The following DNAH3 variants were observed in gnomAD, a reference collection of about 807,000 sequenced individuals.
DNAH3 encodes axonemal beta dynein heavy chain 3.
A neutral mutation model predicts 432.5 loss-of-function variants in DNAH3; 332 were observed. That is an observed-to-expected ratio of 0.77 (90% confidence interval 0.70 to 0.84). The LOEUF is 0.84. DNAH3 is among the 40% of genes least tolerant of loss of function. The pLI, the probability that DNAH3 is intolerant of heterozygous loss-of-function variation, is 0.00. For synonymous variants in DNAH3, 1,956 were observed against 1,900.2 expected, an observed-to-expected ratio of 1.03 and a Z score of -0.76; for missense variants, 4,861 against 5,114.0, an observed-to-expected ratio of 0.95 and a Z score of 1.51.
intron 47 of DNAH3, among the ~76,000 whole-genome samples, chr16:20,986,358 A>G (rs1398803863): frequency 1.3e-5 from 2 of 151,760 alleles, no homozygotes; most frequent in African/African-American, 4.8e-5. Flanking sequence ...ATAAGAAAAA[A>G]TTAACTGGGC....
chr16:21,014,557 C>A (rs935783095), intron 41 of DNAH3, among the ~76,000 whole-genome samples: 1 of 152,094 alleles, frequency 6.6e-6, no homozygotes, highest in Non-Finnish European at 1.5e-5. Context: ...GATAAGGAAG[C>A]CCTTTTTCAT....
intron 43 of DNAH3, among the ~76,000 whole-genome samples, 156 bp downstream of exon 43, chr16:21,000,063 AAGAAG>A (rs1176019847): frequency 2.0e-5 from 3 of 151,934 alleles, no homozygotes; most frequent in South Asian, 2.1e-4. Context: ...GAAGGAGAAA[AAGAAG>A]AGGAGAGAAT....
intron 16 of DNAH3, among the ~76,000 whole-genome samples, chr16:21,099,140 C>T (rs1038755140): frequency 2.0e-5 from 3 of 151,982 alleles, no homozygotes; most frequent in African/African-American, 7.3e-5. Context: ...CTATAACTGC[C>T]CTAGGCATCA....
chr16:21,138,636 C>A (rs941658252), intron 5 of DNAH3, among the ~76,000 whole-genome samples: 3 of 152,132 alleles, frequency 2.0e-5, no homozygotes, highest in South Asian at 2.1e-4. Context: ...CATAGTGAAA[C>A]CCCATCTCTA....
At chr16:20,990,319 A>G (rs578206507) in intron 44 of DNAH3, among the ~76,000 whole-genome samples, 2 of 152,312 alleles carry the variant, frequency 1.3e-5, no homozygotes, top group East Asian at 3.9e-4. Context: ...CTATAGATCT[A>G]TGTATCTGTC....
chr16:21,132,698 TAG>T (rs1200576613), intron 7 of DNAH3, among the ~76,000 whole-genome samples: 1 of 152,164 alleles, frequency 6.6e-6, no homozygotes, highest in Non-Finnish European at 1.5e-5. Context: ...TGCAAATCCA[TAG>T]AGACAGAAAA....
rs1253487145 is a variant in DNAH3, at chr16:20,959,165, G to A, written c.10826+14C>T. ...TTGGGTCCCAGAGAAGGCAGTGGTG[G>A]GACAGCATCTCACCTGAATCTGGCA... is the stretch of plus-strand genomic sequence containing the variant. On this transcript the variant is annotated intron_variant, in intron 54 of 61. Transcript: ENST00000261383. 16 of 1,610,278 alleles carry A rather than the reference G, an allele frequency of 9.9e-6. No individual in the cohort carries two copies. Among genetic ancestry groups the A allele is most frequent in the Non-Finnish European group, 1.4e-5 (16 of 1,176,692 alleles).
intron 21 of DNAH3, among the ~76,000 whole-genome samples, chr16:21,072,164 A>G (rs901852018): frequency 2.6e-5 from 4 of 152,146 alleles, no homozygotes; most frequent in Non-Finnish European, 5.9e-5. Context: ...GCACTGTGAA[A>G]AAAGTACTTA....
chr16:21,121,666 A>G (rs2092345273), intron 10 of DNAH3, among the ~76,000 whole-genome samples: 1 of 145,094 alleles, frequency 6.9e-6, no homozygotes, highest in South Asian at 2.1e-4. Flanking sequence ...CGGTGACGCC[A>G]TCTCAGCTCA....
chr16:21,154,280 C>T (rs542595731), intron 1 of DNAH3, among the ~76,000 whole-genome samples: 3 of 152,242 alleles, frequency 2.0e-5, no homozygotes, highest in African/African-American at 7.2e-5. Context: ...TGGCAGGCAC[C>T]AGTAATCCCA....
At chr16:20,963,895 A>T (rs1170830174) in exon 53 of DNAH3, 1 of 1,614,164 alleles carries the variant, frequency 6.2e-7, no homozygotes, top group South Asian at 1.1e-5. Flanking sequence ...CAAGGAATGC[A>T]TGTAGAGATT....
At chr16:21,051,169 G>A (rs2089939550) in intron 29 of DNAH3, among the ~76,000 whole-genome samples, 1 of 152,148 alleles carries the variant, frequency 6.6e-6, no homozygotes, top group African/African-American at 2.4e-5. Context: ...TAAAAGCAAA[G>A]AACATCTAAA....
At chr16:21,049,149 G>C (rs2089848174) in intron 31 of DNAH3, among the ~76,000 whole-genome samples, 2 of 151,596 alleles carry the variant, frequency 1.3e-5, no homozygotes, top group Admixed American at 6.6e-5. Flanking sequence ...TTTTTGTAGA[G>C]ACAGGGTCTC....
At chr16:20,985,362 G>C in exon 48 of DNAH3, 2 of 1,614,210 alleles carry the variant, frequency 1.2e-6, no homozygotes, top group Non-Finnish European at 1.7e-6. Context: ...AGTTCTTGGT[G>C]ATCTCAATCT....
rs141308833 is a variant in DNAH3 at position 20,948,503 on chromosome 16, G to C, written c.11323C>G (p.Pro3775Ala). 3 of 1,613,724 alleles carry C rather than the reference G, an allele frequency of 1.9e-6. No individual in the cohort carries two copies. In the African/African-American group the frequency reaches 4.0e-5, roughly 22 times the overall value. The change falls in exon 57 of 62, where the codon CCT (proline) becomes GCT (alanine). Residue 3775 changes from proline (P) to alanine (A), a missense_variant. By Grantham distance (27) the Pro-to-Ala change is conservative. Transcript: ENST00000261383. ...CTTACCTGGTAGGAGCCATGAGGAG[G>C]GATGTAGTAAGTGTCTCCAGGAGCG...
chr16:21,053,355 C>T (rs1265041272), intron 28 of DNAH3, among the ~76,000 whole-genome samples: 2 of 152,102 alleles, frequency 1.3e-5, no homozygotes, highest in Admixed American at 6.6e-5. Context: ...GGGTATAGGG[C>T]AGGAGTATGG....
chr16:21,150,298 A>G (rs942222050), intron 1 of DNAH3: 1 of 455,468 alleles, frequency 2.2e-6, no homozygotes, highest in Non-Finnish European at 4.4e-6. Context: ...ACCTTCTGAG[A>G]TGAGCAATCC....
At chr16:21,069,065 C>T (rs912632284) in intron 23 of DNAH3, among the ~76,000 whole-genome samples, 1 of 151,668 alleles carries the variant, frequency 6.6e-6, no homozygotes, top group African/African-American at 2.4e-5. Context: ...GCTGGGATTA[C>T]AGGCATTCAC....
intron 41 of DNAH3, among the ~76,000 whole-genome samples, chr16:21,011,158 G>A (rs2087584347): frequency 6.6e-6 from 1 of 152,016 alleles, no homozygotes; most frequent in African/African-American, 2.4e-5. Flanking sequence ...AAAGGAAAGA[G>A]GTCACCACAA....
Sources: gnomAD v4.1 joint callset for allele counts (sites outside exome capture counted in the v4.1 genomes callset) on GRCh38, gnomAD v4.1.1 for gene constraint, MANE v1.5 for transcripts, NCBI Gene and HGNC (gene_info 2026-07-23, HGNC 2026-07-21) for gene names.